UBXN7: variants seen among roughly 807,000 people sequenced by gnomAD.
UBXN7 encodes the protein UBX domain-containing protein 7.
A neutral mutation model predicts 58.0 loss-of-function variants in UBXN7; 9 were observed. That is an observed-to-expected ratio of 0.16 (90% CI 0.09 to 0.27). The LOEUF is 0.27. Among genes scored for constraint, UBXN7 ranks in the 10% least tolerant of loss-of-function variants. UBXN7 has a pLI of 1.00. For synonymous variants in UBXN7, 208 were observed against 205.0 expected, an observed-to-expected ratio of 1.01 and a Z score of -0.12; for missense variants, 328 against 599.6, an observed-to-expected ratio of 0.55 and a Z score of 4.73.
chr3:196,423,246 C>T (rs1004956736), intron 1 of UBXN7: 2 of 153,412 alleles, frequency 1.3e-5, no homozygotes, highest in Non-Finnish European at 2.9e-5. Flanking sequence ...GGCATGTGGG[C>T]TAAACTGGCA....
At chr3:196,429,468 A>AT (rs1288467813) in intron 1 of UBXN7, among the ~76,000 whole-genome samples, 1 of 152,144 alleles carries the variant, frequency 6.6e-6, no homozygotes, top group Non-Finnish European at 1.5e-5. Flanking sequence ...TAAGACTCAC[A>AT]TTTATTTTTA....
At chr3:196,367,716 G>C (rs970142606) in intron 8 of UBXN7, among the ~76,000 whole-genome samples, 1 of 152,116 alleles carries the variant, frequency 6.6e-6, no homozygotes, top group African/African-American at 2.4e-5. Context: ...TTACCACTAG[G>C]CTTGCCAGGT....
At chr3:196,376,990 G>A (rs866105578) in intron 5 of UBXN7, among the ~76,000 whole-genome samples, 6 of 150,798 alleles carry the variant, frequency 4.0e-5, no homozygotes, top group Middle Eastern at 3.2e-3. Flanking sequence ...GGGCTGCAGT[G>A]AGCCGAGATC....
chr3:196,352,592 A>T lies in UBXN7; in HGVS notation c.*4093T>A, dbSNP rs1022416670. 3.9e-5 allele frequency: 6 copies of T among 152,158 alleles called. No homozygotes were observed. Among genetic ancestry groups the T allele is most frequent in the African/African-American group, 1.4e-4 (6 of 41,416 alleles). The allele number at this position is 152,158 out of a possible 1,614,324, so 9.4% of individuals were successfully genotyped here. ...AAAATACTTCCAACTTCTATAAAGA[A>T]CTCAATAGCTAATTGTTGACTTGTA... On this transcript the variant is annotated 3_prime_UTR_variant, in exon 11 of 11. Transcript: ENST00000296328. The surrounding 1 kb of genome is among the most constrained non-coding windows in gnomAD (Gnocchi z 4.1).
chr3:196,374,831 C>T (rs1358906111), intron 5 of UBXN7, among the ~76,000 whole-genome samples: 4 of 122,292 alleles, frequency 3.3e-5, no homozygotes, highest in Admixed American at 2.6e-4. Flanking sequence ...GAGCCAAGAT[C>T]GTGCCATTGC....
chr3:196,376,568 AGAAAAGAAAAG>A (rs1207126938), intron 5 of UBXN7, among the ~76,000 whole-genome samples: 5 of 146,650 alleles, frequency 3.4e-5, no homozygotes, highest in African/African-American at 1.0e-4. Flanking sequence ...AAAAAAAAAA[AGAAAAGAAAAG>A]AAAAAGGAAA....
At chr3:196,406,564 C>T (rs1419089409) in intron 2 of UBXN7, among the ~76,000 whole-genome samples, 1 of 151,956 alleles carries the variant, frequency 6.6e-6, no homozygotes, top group Non-Finnish European at 1.5e-5. Context: ...CTCAGCCTCC[C>T]GAGTAGCTGG....
chr3:196,405,377 G>A (rs143312461), intron 2 of UBXN7, among the ~76,000 whole-genome samples: 2 of 151,212 alleles, frequency 1.3e-5, no homozygotes, highest in South Asian at 2.1e-4. Flanking sequence ...GGCTGAGGCA[G>A]GAGAATCCAC....
At chr3:196,401,767 T>TAAAAAAAAAA (rs1482437381) in intron 3 of UBXN7, among the ~76,000 whole-genome samples, 1 of 82,026 alleles carries the variant, frequency 1.2e-5, no homozygotes, top group Non-Finnish European at 2.6e-5. Context: ...CATCTCTATT[T>TAAAAAAAAAA]TAAAAAAAAA....
chr3:196,393,052 T>C (rs963199127), intron 4 of UBXN7, among the ~76,000 whole-genome samples: 2 of 152,224 alleles, frequency 1.3e-5, no homozygotes, highest in Non-Finnish European at 2.9e-5. Flanking sequence ...TAGGATTCCA[T>C]TGCTAAATCA....
chr3:196,413,945 T>C (rs1469251268), intron 1 of UBXN7, among the ~76,000 whole-genome samples: 1 of 152,198 alleles, frequency 6.6e-6, no homozygotes, highest in Non-Finnish European at 1.5e-5. Context: ...TGTTATACTA[T>C]AGAGAATAAT....
Position 196,408,136 on chromosome 3 carries a change from A to G in UBXN7, c.74-743T>C, listed in dbSNP as rs1440313941. On this transcript the variant is annotated intron_variant, in intron 1 of 10. Coordinates refer to ENST00000296328, the MANE Select transcript of UBXN7 (RefSeq NM_015562.2). ...AAAAAAAAAAAGCATCTTTAATACC[A>G]ATGGCAAAGAAGTGAGATGGAACAT... is the stretch of plus-strand genomic sequence containing the variant. 2.6e-5 allele frequency among the ~76,000 whole-genome samples: 4 copies of G among 151,142 alleles called. No individual in the cohort carries two copies. In the East Asian group the frequency reaches 7.7e-4, roughly 29 times the overall value.
At chr3:196,406,020 G>GT (rs536744429) in intron 2 of UBXN7, among the ~76,000 whole-genome samples, 59 of 150,756 alleles carry the variant, frequency 3.9e-4, no homozygotes, top group South Asian at 1.5e-3. Flanking sequence ...GGTTTTTTGT[G>GT]TTTTTTTTGT....
intron 3 of UBXN7, among the ~76,000 whole-genome samples, chr3:196,396,090 T>C (rs1193782907): frequency 6.7e-6 from 1 of 150,336 alleles, no homozygotes; most frequent in African/African-American, 2.5e-5. Flanking sequence ...AATTTAAATA[T>C]TGCACCCTGT....
intron 1 of UBXN7, among the ~76,000 whole-genome samples, chr3:196,410,773 G>C (rs967668702): frequency 4.6e-5 from 7 of 151,160 alleles, no homozygotes; most frequent in Admixed American, 6.6e-5. Context: ...AGTGAGCTGA[G>C]ATTACACCAC....
intron 10 of UBXN7, 56 bp from the exon 11 acceptor site, chr3:196,356,902 T>A: frequency 4.5e-6 from 7 of 1,553,484 alleles, no homozygotes; most frequent in Non-Finnish European, 6.1e-6. Context: ...AAAGAGCATA[T>A]TAGTGAATTA....
Position 196,362,407 on chromosome 3 carries a change from CT to C in UBXN7, c.1114del (p.Arg372GlufsTer31), listed in dbSNP as rs776347722. Reference protein sequence around the residue: ...NRRPLTEPPVRTDPGTATNHQ... With the variant: ...NRRPLTEPPVXTDPGTATNHQ... ...GTTTGTGGCTGTTCCAGGATCAGTT[CT>C]GACTGGTGGCTCAGTCAGCGGCCTT... On this transcript the variant is annotated frameshift_variant, in exon 9 of 11. Transcript: ENST00000296328. LOFTEE classifies it high-confidence loss of function. The C allele has an allele frequency of 6.2e-7, 1 of 1,614,242 alleles. No homozygotes were observed.
rs1205260447 is a variant in UBXN7, at chr3:196,355,154, T to C, written c.*1531A>G. 1 of 152,158 alleles carries C rather than the reference T, an allele frequency of 6.6e-6. No homozygotes were observed. The highest frequency in any genetic ancestry group is 1.5e-5 in the Non-Finnish European group (1 of 68,036). 9.4% of individuals were successfully genotyped at this position (152,158 alleles called of 1,614,324 possible). On this transcript the variant is annotated 3_prime_UTR_variant, in exon 11 of 11. Coordinates refer to ENST00000296328, the MANE Select transcript of UBXN7 (RefSeq NM_015562.2). ...AAAACCTAAAGGTCTCTACGCAACA[T>C]CTGAGGAACATACGCTCCTCAGATA...
At position 196,368,015 on chromosome 3, in the gene UBXN7, T is replaced by C; in HGVS notation, c.834+13A>G. On this transcript the variant is annotated intron_variant, in intron 8 of 10. Coordinates refer to ENST00000296328, the MANE Select transcript of UBXN7 (RefSeq NM_015562.2). ...CATTTATTTTCCCATCACCACCTCC[T>C]AATTATACTTACTGAACGGGCACAT... The C allele has an allele frequency of 1.2e-6, 2 of 1,610,314 alleles. No homozygotes were observed. The highest frequency in any genetic ancestry group is 1.7e-6 in the Non-Finnish European group (2 of 1,178,868).
Sources: allele counts gnomAD v4.1 joint callset (sites outside exome capture counted in the v4.1 genomes callset), GRCh38; gene constraint gnomAD v4.1.1; non-coding constraint Gnocchi (gnomAD v3.1); transcripts MANE v1.5; gene names NCBI Gene and HGNC (gene_info 2026-07-23, HGNC 2026-07-21).